The following CTNND2 variants were observed in gnomAD, a reference collection of about 807,000 sequenced individuals.
The protein encoded by CTNND2 is catenin delta-2.
A neutral mutation model predicts 144.4 loss-of-function variants in CTNND2; 22 were observed. The ratio of observed to expected loss-of-function variants is 0.15; its 90% confidence interval spans 0.11 to 0.22. CTNND2 has a LOEUF of 0.22. CTNND2 is among the 10% of genes least tolerant of loss of function. The pLI is 1.00. For synonymous variants in CTNND2, 751 were observed against 695.6 expected, an observed-to-expected ratio of 1.08 and a Z score of -1.25; for missense variants, 1,353 against 1,618.8, an observed-to-expected ratio of 0.84 and a Z score of 2.82.
At chr5:11,864,883 CTTTTTTTTTTTTTTTTTT>C (rs59068101) in intron 1 of CTNND2, among the ~76,000 whole-genome samples, 1 of 56,700 alleles carries the variant, frequency 1.8e-5, no homozygotes, top group African/African-American at 7.0e-5. Context: ...CTTCTTCTTC[CTTTTTTTTTTTTTTTTTT>C]TTTTTTTTTT....
At chr5:11,220,059 A>T (rs1561041547) in intron 10 of CTNND2, among the ~76,000 whole-genome samples, 1 of 152,168 alleles carries the variant, frequency 6.6e-6, no homozygotes, top group Non-Finnish European at 1.5e-5. Flanking sequence ...TCACTATTTT[A>T]TCATTTGTAA....
chr5:11,008,367 G>T (rs116258947), intron 18 of CTNND2, among the ~76,000 whole-genome samples: 8,858 of 152,184 alleles, frequency 0.058, 327 homozygotes, highest in East Asian at 0.1. Context: ...AGAGATTTGG[G>T]GGGTCACAGA....
chr5:11,808,497 G>T (rs1792132960), intron 1 of CTNND2, among the ~76,000 whole-genome samples: 1 of 152,190 alleles, frequency 6.6e-6, no homozygotes, highest in Non-Finnish European at 1.5e-5. Context: ...CTTTTCTGCA[G>T]CTCTTGGTCT....
At chr5:11,312,908 C>T (rs564298579) in intron 9 of CTNND2, among the ~76,000 whole-genome samples, 7 of 152,348 alleles carry the variant, frequency 4.6e-5, no homozygotes, top group Admixed American at 3.9e-4. Context: ...TTTCAAAACA[C>T]CATTAAAATC....
At chr5:11,731,638 G>A (rs552490759) in intron 2 of CTNND2, among the ~76,000 whole-genome samples, 5 of 152,188 alleles carry the variant, frequency 3.3e-5, no homozygotes, top group African/African-American at 7.2e-5. Flanking sequence ...AGGAAGAATC[G>A]TTCAGACTTT....
At chr5:11,323,772 A>G (rs79781625) in intron 9 of CTNND2, among the ~76,000 whole-genome samples, 3,426 of 152,282 alleles carry the variant, frequency 0.022, 126 homozygotes, top group African/African-American at 0.079. Flanking sequence ...TACTAGGTGT[A>G]AATATGACAC....
intron 3 of CTNND2, among the ~76,000 whole-genome samples, chr5:11,555,124 C>T (rs929992025): frequency 9.9e-5 from 15 of 152,090 alleles, no homozygotes; most frequent in Non-Finnish European, 1.9e-4. Flanking sequence ...TTTATTCATT[C>T]CGCACTGATT....
intron 6 of CTNND2, among the ~76,000 whole-genome samples, chr5:11,394,959 C>G (rs1759952193): frequency 6.6e-6 from 1 of 152,168 alleles, no homozygotes; most frequent in South Asian, 2.1e-4. Context: ...CTCACTTGGT[C>G]TGACATCTGT....
intron 2 of CTNND2, among the ~76,000 whole-genome samples, chr5:11,592,178 G>T (rs907127245): frequency 8.4e-5 from 11 of 131,302 alleles, no homozygotes; most frequent in Non-Finnish European, 1.6e-4. Flanking sequence ...CTTCCTGCCT[G>T]CCTGCCTTCC....
intron 6 of CTNND2, among the ~76,000 whole-genome samples, chr5:11,388,540 C>A (rs1485630830): frequency 1.3e-5 from 2 of 152,224 alleles, no homozygotes; most frequent in Non-Finnish European, 2.9e-5. Flanking sequence ...TGCTATACTC[C>A]ATTTCAATGG....
chr5:11,137,793 TA>T (rs1329823235), intron 12 of CTNND2, among the ~76,000 whole-genome samples: 1 of 152,238 alleles, frequency 6.6e-6, no homozygotes, highest in African/African-American at 2.4e-5. Context: ...GGGAAATATT[TA>T]AGTTAGGTAT....
chr5:11,730,609 T>C (rs1291007066), intron 2 of CTNND2, among the ~76,000 whole-genome samples: 2 of 152,240 alleles, frequency 1.3e-5, no homozygotes, highest in Non-Finnish European at 2.9e-5. Flanking sequence ...GTCTTTAAAA[T>C]AGTTTGATCC....
At chr5:11,437,985 G>A (rs938252398) in intron 3 of CTNND2, among the ~76,000 whole-genome samples, 1 of 152,158 alleles carries the variant, frequency 6.6e-6, no homozygotes, top group Non-Finnish European at 1.5e-5. Flanking sequence ...GCTGTTATGT[G>A]TTATCTTAAC....
At chr5:11,840,423 T>C (rs1168361221) in intron 1 of CTNND2, among the ~76,000 whole-genome samples, 2 of 152,210 alleles carry the variant, frequency 1.3e-5, no homozygotes, top group Non-Finnish European at 2.9e-5. Flanking sequence ...TTTCATTTCT[T>C]ATCTATGAAC....
intron 1 of CTNND2, among the ~76,000 whole-genome samples, chr5:11,866,437 A>G (rs1272514210): frequency 2.0e-5 from 3 of 152,228 alleles, no homozygotes; most frequent in Admixed American, 1.3e-4. Flanking sequence ...GACTTGGTTA[A>G]GAGGAAGCCT....
At chr5:11,597,174 A>T (rs1044005936) in intron 2 of CTNND2, among the ~76,000 whole-genome samples, 1 of 152,206 alleles carries the variant, frequency 6.6e-6, no homozygotes, top group Non-Finnish European at 1.5e-5. Flanking sequence ...AATTTTGAAG[A>T]CTTTTCTGTA....
intron 1 of CTNND2, among the ~76,000 whole-genome samples, chr5:11,807,753 G>T (rs2126901155): frequency 6.6e-6 from 1 of 152,240 alleles, no homozygotes; most frequent in Admixed American, 6.5e-5. Flanking sequence ...GAGGCATAAT[G>T]GTTCTGTCTG....
chr5:11,416,332 TA>T (rs944922166), intron 3 of CTNND2, among the ~76,000 whole-genome samples: 15 of 152,170 alleles, frequency 9.9e-5, no homozygotes, highest in Admixed American at 9.2e-4. Context: ...GAAGTGAATA[TA>T]AAACTGTCTT....
Position 11,771,118 on chromosome 5 carries a change from GGGGTCCAAATTACCTTTGATA to G in CTNND2, c.38-38867_38-38847del, listed in dbSNP as rs569398361. ...AAGGCTTTACATTATAAAAAGGAAA[GGGGTCCAAATTACCTTTGATA>G]GGGTCCAAATTACCATCCTGGAAAT... On this transcript the variant is annotated intron_variant, in intron 1 of 21. Coordinates refer to ENST00000304623, the MANE Select transcript of CTNND2 (RefSeq NM_001332.4). Among the ~76,000 whole-genome samples, 570 of 151,766 alleles carry G rather than the reference GGGGTCCAAATTACCTTTGATA, an allele frequency of 3.8e-3. 4 individuals are homozygous for G. Among genetic ancestry groups the G allele is most frequent in the African/African-American group, 0.013 (532 of 41,360 alleles).
Sources: gnomAD v4.1 joint callset for allele counts (sites outside exome capture counted in the v4.1 genomes callset) on GRCh38, gnomAD v4.1.1 for gene constraint, MANE v1.5 for transcripts, NCBI Gene and HGNC (gene_info 2026-07-23, HGNC 2026-07-21) for gene names.